The following CSMD1 variants were observed in gnomAD, a reference collection of about 807,000 sequenced individuals.
CSMD1 encodes CUB and Sushi multiple domains 1, also known as CUB and sushi domain-containing protein 1.
A neutral mutation model predicts 417.5 loss-of-function variants in CSMD1; 213 were observed. The ratio of observed to expected loss-of-function variants is 0.51; its 90% CI spans 0.46 to 0.57. The LOEUF (loss-of-function observed/expected upper bound fraction) is 0.57, where lower values mean the gene tolerates loss of function less well. Ranked by LOEUF, CSMD1 falls within the 20% of genes least tolerant of loss-of-function variation. The pLI, the probability that CSMD1 is intolerant of heterozygous loss-of-function variation, is 0.00. For missense variants in CSMD1, 6,923 were observed against 4,529.7 expected (o/e 1.53, Z -15.17); for synonymous variants, 2,862 against 1,736.8 (o/e 1.65, Z -16.11).
chr8:4,325,922 T>C (rs1305975842), intron 3 of CSMD1, among the ~76,000 whole-genome samples: 2 of 152,184 alleles, frequency 1.3e-5, no homozygotes, highest in African/African-American at 4.8e-5. Flanking sequence ...ATTTACATGC[T>C]GGCTGGGGCA....
intron 25 of CSMD1, among the ~76,000 whole-genome samples, chr8:3,290,270 A>C (rs1375474741): frequency 6.8e-6 from 1 of 147,120 alleles, no homozygotes; most frequent in Non-Finnish European, 1.5e-5. Flanking sequence ...TGATGCCTCC[A>C]GCTTTGTTCT....
At chr8:4,438,191 T>G (rs1798255495) in intron 2 of CSMD1, among the ~76,000 whole-genome samples, 1 of 152,134 alleles carries the variant, frequency 6.6e-6, no homozygotes, top group African/African-American at 2.4e-5. Flanking sequence ...TCATAAACAT[T>G]GAGATCGATC....
intron 1 of CSMD1, among the ~76,000 whole-genome samples, chr8:4,906,387 G>A (rs553119501): frequency 6.6e-6 from 1 of 152,182 alleles, no homozygotes; most frequent in South Asian, 2.1e-4. Context: ...AGAACACTGA[G>A]TTGTCAAAGG....
In CSMD1 at chr8:2,938,513, A is replaced by G. The variant is rs901923447; in HGVS notation, c.*72T>C. 7.6e-6 allele frequency: 11 copies of G among 1,440,102 alleles called. No individual in the cohort carries two copies. The African/African-American group carries it at 1.4e-4, about 18-fold the overall frequency. The allele number at this position is 1,440,102 out of a possible 1,614,324, so 89.2% of individuals were successfully genotyped here. The stretch of plus-strand genomic sequence containing the variant: ...GCCAGAGTGGAAGGGAGAGTGGTAT[A>G]TGGCACCAAAGGAATCACTGCTTGT... On this transcript the variant is annotated 3_prime_UTR_variant, in exon 70 of 70. Coordinates refer to ENST00000635120, the MANE Select transcript of CSMD1 (RefSeq NM_033225.6).
chr8:3,480,415 G>C (rs1031134653), intron 11 of CSMD1, among the ~76,000 whole-genome samples: 6 of 151,672 alleles, frequency 4.0e-5, no homozygotes, highest in Non-Finnish European at 7.4e-5. Flanking sequence ...GAGGCCTGTG[G>C]GACAAAACAA....
chr8:4,446,078 A>T (rs752664165), intron 2 of CSMD1, among the ~76,000 whole-genome samples: 3 of 152,218 alleles, frequency 2.0e-5, no homozygotes, highest in Non-Finnish European at 4.4e-5. Flanking sequence ...CATAGGCGGA[A>T]GGGCTCCGTG....
At chr8:4,825,844 A>C (rs924539127) in intron 1 of CSMD1, among the ~76,000 whole-genome samples, 1 of 152,022 alleles carries the variant, frequency 6.6e-6, no homozygotes, top group African/African-American at 2.4e-5. Context: ...GGCAAAAGAC[A>C]CTTCTCTGAA....
chr8:4,406,913 G>C (rs183745102), intron 3 of CSMD1, among the ~76,000 whole-genome samples: 16 of 152,260 alleles, frequency 1.1e-4, no homozygotes, highest in Admixed American at 3.9e-4. Context: ...TTGAGAAAGT[G>C]GGTTAAATAA....
intron 3 of CSMD1, among the ~76,000 whole-genome samples, chr8:4,382,078 C>A (rs1159551671): frequency 6.6e-6 from 1 of 152,166 alleles, no homozygotes; most frequent in East Asian, 1.9e-4. Flanking sequence ...CCATGACTTT[C>A]CTCTTCTTGA....
chr8:2,960,021 T>A (rs1298833030), intron 62 of CSMD1, among the ~76,000 whole-genome samples: 1 of 152,200 alleles, frequency 6.6e-6, no homozygotes, highest in Non-Finnish European at 1.5e-5. Flanking sequence ...AGAACTATGT[T>A]GCTAAATACA....
At chr8:4,497,646 G>A (rs969827448) in intron 2 of CSMD1, among the ~76,000 whole-genome samples, 5 of 152,122 alleles carry the variant, frequency 3.3e-5, no homozygotes, top group African/African-American at 1.2e-4. Flanking sequence ...ATGGGAACTC[G>A]TGCCCCAGTG....
intron 33 of CSMD1, among the ~76,000 whole-genome samples, chr8:3,196,534 C>T (rs140269643): frequency 1.6e-4 from 25 of 152,302 alleles, no homozygotes; most frequent in Admixed American, 4.6e-4. Flanking sequence ...AAAACCATTA[C>T]AGATACTCTT....
intron 10 of CSMD1, among the ~76,000 whole-genome samples, chr8:3,507,555 T>G (rs1017560702): frequency 6.6e-6 from 1 of 152,284 alleles, no homozygotes. Flanking sequence ...GTATTTCTAG[T>G]TCTAGATCCC....
chr8:3,382,348 G>A (rs1307501657), intron 18 of CSMD1, among the ~76,000 whole-genome samples: 1 of 145,384 alleles, frequency 6.9e-6, no homozygotes, highest in East Asian at 2.0e-4. Context: ...ATTTATATAT[G>A]TATATTTATT....
chr8:3,125,919 G>A (rs1275340750), intron 41 of CSMD1, among the ~76,000 whole-genome samples: 1 of 152,224 alleles, frequency 6.6e-6, no homozygotes, highest in African/African-American at 2.4e-5. Flanking sequence ...AGAGGTTGCA[G>A]TGAGCTGAGA....
chr8:4,630,340 A>C (rs186705717), intron 2 of CSMD1, among the ~76,000 whole-genome samples: 25 of 152,090 alleles, frequency 1.6e-4, no homozygotes, highest in Admixed American at 1.4e-3. Flanking sequence ...CTGCATAATA[A>C]TATCACTTAG....
chr8:4,765,919 G>A (rs1812433433), intron 1 of CSMD1, among the ~76,000 whole-genome samples: 1 of 152,104 alleles, frequency 6.6e-6, no homozygotes, highest in Non-Finnish European at 1.5e-5. Flanking sequence ...TGCCAAAAGG[G>A]TTTGAAGAAT....
At chr8:4,279,096 A>T (rs190144008) in intron 3 of CSMD1, among the ~76,000 whole-genome samples, 1,806 of 152,156 alleles carry the variant, frequency 0.012, 24 homozygotes, top group African/African-American at 0.041. Context: ...ATTTTTTTTT[A>T]AAAAACACCA....
chr8:3,186,704 C>A (rs879644300), intron 36 of CSMD1, among the ~76,000 whole-genome samples: 1 of 152,172 alleles, frequency 6.6e-6, no homozygotes, highest in Non-Finnish European at 1.5e-5. Context: ...TCCAGCCTCC[C>A]TTTGCAGTAG....
Sources: gnomAD v4.1 joint callset for allele counts (sites outside exome capture counted in the v4.1 genomes callset) on GRCh38, gnomAD v4.1.1 for gene constraint, MANE v1.5 for transcripts, NCBI Gene and HGNC (gene_info 2026-07-23, HGNC 2026-07-21) for gene names.